KIF16B: variants seen among roughly 807,000 people sequenced by gnomAD.
KIF16B encodes the protein kinesin-like protein KIF16B.
In KIF16B, 98 loss-of-function variants were observed where a neutral mutation model predicts 156.3. The ratio of observed to expected loss-of-function variants is 0.63; its 90% CI spans 0.53 to 0.74. The LOEUF is 0.74. Ranked by LOEUF, KIF16B falls within the 30% of genes least tolerant of loss-of-function variation. The probability of loss-of-function intolerance (pLI) is 0.00; values close to 1 mark genes in which losing one functional copy is unlikely to be tolerated. For missense variants in KIF16B, 1,421 were observed against 1,606.5 expected (o/e 0.88, Z 1.97); for synonymous variants, 564 against 583.7 (o/e 0.97, Z 0.49).
chr20:16,422,111 C>T (rs546510257), intron 15 of KIF16B, among the ~76,000 whole-genome samples: 102 of 152,142 alleles, frequency 6.7e-4, no homozygotes, highest in Admixed American at 2.4e-3. Context: ...AAAAATACTG[C>T]GTGGGAGATA....
In KIF16B at chr20:16,508,079, T is replaced by C. The variant is rs767202445; in HGVS notation, c.578A>G (p.Gln193Arg). 1 of 1,614,092 alleles carries C rather than the reference T, an allele frequency of 6.2e-7. No individual in the cohort carries two copies. The highest frequency in any genetic ancestry group is 2.2e-5 in the East Asian group (1 of 44,882). ...AAGTTCTTCTACGTCACCATAATTC[T>C]GTACTAAATGTTTGGATAAATCTGA... ...YVEDLSKHLV[Q>R]NYGDVEELMD... The change falls in exon 7 of 26, where the codon CAG (glutamine) becomes CGG (arginine). Residue 193 changes from glutamine to arginine, a missense_variant. Coordinates refer to ENST00000354981, the MANE Select transcript of KIF16B (RefSeq NM_024704.5).
At chr20:16,458,732 C>T (rs1349767822) in intron 12 of KIF16B, among the ~76,000 whole-genome samples, 2 of 151,600 alleles carry the variant, frequency 1.3e-5, no homozygotes, top group East Asian at 3.9e-4. Context: ...AAGAGGGAAT[C>T]CATGTACAGG....
intron 1 of KIF16B, among the ~76,000 whole-genome samples, chr20:16,539,625 C>A (rs2070119034): frequency 6.6e-6 from 1 of 152,196 alleles, no homozygotes. Context: ...TGAGTAAAAG[C>A]TTCCTGAGGC....
chr20:16,518,102 C>T (rs1481457973), intron 3 of KIF16B, among the ~76,000 whole-genome samples: 1 of 152,098 alleles, frequency 6.6e-6, no homozygotes. Context: ...TCTAGAAAAT[C>T]CAGGTCTGGA....
At chr20:16,400,241 A>C (rs181688773) in intron 17 of KIF16B, among the ~76,000 whole-genome samples, 2 of 152,314 alleles carry the variant, frequency 1.3e-5, no homozygotes, top group East Asian at 3.9e-4. Context: ...ATATTTTTAA[A>C]CACCATTTTC....
At chr20:16,404,698 T>A (rs1230240871) in intron 17 of KIF16B, 115 bp downstream of exon 17, 1 of 720,626 alleles carries the variant, frequency 1.4e-6, no homozygotes, top group Non-Finnish European at 2.4e-6. Flanking sequence ...GGTGGCTGAT[T>A]TGATAAGGAG....
intron 24 of KIF16B, among the ~76,000 whole-genome samples, chr20:16,314,458 T>A (rs952378120): frequency 1.3e-5 from 2 of 152,012 alleles, no homozygotes; most frequent in African/African-American, 4.8e-5. Context: ...AAGGGATGGG[T>A]TTCCCCATCT....
chr20:16,510,628 G>A (rs938165602), intron 6 of KIF16B, among the ~76,000 whole-genome samples: 18 of 152,118 alleles, frequency 1.2e-4, no homozygotes, highest in African/African-American at 3.6e-4. Flanking sequence ...CAGCCTGGGC[G>A]ACAGAGCAAG....
chr20:16,448,898 G>A (rs529256053), intron 12 of KIF16B, among the ~76,000 whole-genome samples: 1 of 151,948 alleles, frequency 6.6e-6, no homozygotes, highest in East Asian at 1.9e-4. Flanking sequence ...GAGAGAGAGA[G>A]AGAGGGAGGA....
At chr20:16,477,645 C>G (rs1476719875) in intron 12 of KIF16B, among the ~76,000 whole-genome samples, 1 of 152,134 alleles carries the variant, frequency 6.6e-6, no homozygotes, top group Non-Finnish European at 1.5e-5. Context: ...GATTTGCCAA[C>G]AGAGTAAGTT....
At chr20:16,437,702 A>G (rs376637470) in intron 12 of KIF16B, among the ~76,000 whole-genome samples, 5 of 152,236 alleles carry the variant, frequency 3.3e-5, no homozygotes, top group Non-Finnish European at 1.5e-5. Context: ...TAGGCAAAAA[A>G]TATACTTATG....
At chr20:16,559,037 C>A (rs947106639) in intron 1 of KIF16B, among the ~76,000 whole-genome samples, 1 of 151,972 alleles carries the variant, frequency 6.6e-6, no homozygotes, top group Non-Finnish European at 1.5e-5. Context: ...TCTCTGCTCA[C>A]GGTTTCTAAT....
intron 24 of KIF16B, among the ~76,000 whole-genome samples, chr20:16,334,174 T>A (rs1216381405): frequency 6.6e-6 from 1 of 152,210 alleles, no homozygotes; most frequent in Non-Finnish European, 1.5e-5. Context: ...GTCTGAGTGC[T>A]TTTATTTCAT....
chr20:16,384,872 T>C lies in KIF16B; in HGVS notation c.1785-3125A>G, dbSNP rs150314665. On this transcript the variant is annotated intron_variant, in intron 17 of 25. Transcript: ENST00000354981. ...TGTTGCAGCCTCTTGCCTAGCACAGTACCTGACACTGTGCTCAATTTTTAA... is the reference window on the plus strand; with the variant it reads ...TGTTGCAGCCTCTTGCCTAGCACAGCACCTGACACTGTGCTCAATTTTTAA... 2.0e-5 allele frequency among the ~76,000 whole-genome samples: 3 copies of C among 152,228 alleles called. No individual in the cohort carries two copies. The East Asian group carries it at 5.8e-4, about 29-fold the overall frequency.
rs761179790 is a variant in KIF16B, at chr20:16,356,475, G to A, written c.3499-23C>T. 7 of 1,613,276 alleles carry A rather than the reference G, an allele frequency of 4.3e-6. No individual in the cohort carries two copies. In the South Asian group the frequency reaches 6.6e-5, roughly 15 times the overall value. ...CCGCTATCAAAGGCATGTCAGACAG[G>A]GAGAACAAAGAGAAACCAGAATCAC... On this transcript the variant is annotated intron_variant, in intron 22 of 25. Transcript: ENST00000354981.
intron 11 of KIF16B, among the ~76,000 whole-genome samples, chr20:16,496,341 C>G (rs943022970): frequency 3.3e-5 from 5 of 152,224 alleles, no homozygotes; most frequent in African/African-American, 1.2e-4. Context: ...GTGAGCAAAT[C>G]AATCCTGTTT....
intron 24 of KIF16B, among the ~76,000 whole-genome samples, chr20:16,327,013 A>ATGTG (rs566936326): frequency 0.025 from 3,653 of 148,856 alleles, 58 homozygotes; most frequent in Non-Finnish European, 0.039. Flanking sequence ...GTATGCATAT[A>ATGTG]TGTGTGTGTA....
chr20:16,297,781 T>C (rs2063412904), intron 25 of KIF16B, among the ~76,000 whole-genome samples: 1 of 152,154 alleles, frequency 6.6e-6, no homozygotes. Flanking sequence ...TCTCATTCAG[T>C]TGAACGACAA....
intron 17 of KIF16B, among the ~76,000 whole-genome samples, chr20:16,398,799 C>T (rs980646070): frequency 6.6e-6 from 1 of 152,058 alleles, no homozygotes; most frequent in Non-Finnish European, 1.5e-5. Flanking sequence ...CTGTTATCAA[C>T]CGACAGGAAA....
Sources: allele counts gnomAD v4.1 joint callset (sites outside exome capture counted in the v4.1 genomes callset), GRCh38; gene constraint gnomAD v4.1.1; transcripts MANE v1.5; gene names NCBI Gene and HGNC (gene_info 2026-07-23, HGNC 2026-07-21).